ACSF3: variants seen among roughly 807,000 people sequenced by gnomAD.
ACSF3 encodes the protein malonate--CoA ligase ACSF3, mitochondrial.
In ACSF3, 78 loss-of-function variants were observed where a neutral mutation model predicts 53.2. The observed-to-expected ratio is 1.47, with a 90% CI of 1.22 to 1.77. The LOEUF is 1.77. Ranked by LOEUF, ACSF3 falls within the 40% of genes most tolerant of loss-of-function variation. The pLI is 0.00. For missense variants in ACSF3, 937 were observed against 771.1 expected (o/e 1.22, Z -2.55); for synonymous variants, 414 against 333.1 (o/e 1.24, Z -2.65).
At chr16:89,096,839 G>A (rs939936212) in intron 1 of ACSF3, among the ~76,000 whole-genome samples, 5 of 152,158 alleles carry the variant, frequency 3.3e-5, no homozygotes, top group African/African-American at 4.8e-5. Context: ...TCCTCATAGC[G>A]CGTGGGCTCT....
At position 89,155,727 on chromosome 16, in the gene ACSF3, A is replaced by G. The variant is rs1040997377; in HGVS notation, c.*1520A>G. On this transcript the variant is annotated 3_prime_UTR_variant, in exon 11 of 11. Transcript: ENST00000614302. ...AATGCCTTCTGTTGGGAAAAGGTCA[A>G]ATTTAACATAGCAAAATTTTTACTT... The G allele has an allele frequency of 2.2e-5, 10 of 454,004 alleles. No individual in the cohort carries two copies. Among genetic ancestry groups the G allele is most frequent in the East Asian group, 1.4e-4 (2 of 14,408 alleles). 28.1% of individuals were successfully genotyped at this position (454,004 alleles called of 1,614,324 possible). A position where few individuals can be genotyped will look rare whatever the true frequency, so the allele number is the denominator to read the frequency against.
At chr16:89,130,058 C>A (rs921605142) in intron 7 of ACSF3, among the ~76,000 whole-genome samples, 7 of 152,264 alleles carry the variant, frequency 4.6e-5, no homozygotes, top group African/African-American at 1.7e-4. Context: ...TTTGCCACTT[C>A]TGTTGCTTTT....
intron 7 of ACSF3, among the ~76,000 whole-genome samples, chr16:89,132,297 G>A (rs371813628): frequency 5.6e-4 from 86 of 152,328 alleles, no homozygotes; most frequent in African/African-American, 1.9e-3. Context: ...AGTGAGGGTC[G>A]TGGAGCTGGC....
intron 10 of ACSF3, among the ~76,000 whole-genome samples, chr16:89,147,199 GTGAGTGAGAGA>G (rs1388701141): frequency 1.4e-5 from 1 of 70,698 alleles, no homozygotes; most frequent in Non-Finnish European, 3.3e-5. Flanking sequence ...GGTCCACAGA[GTGAGTGAGAGA>G]GGAGGGAGGG....
At chr16:89,112,990 A>T (rs1904322708) in intron 5 of ACSF3, among the ~76,000 whole-genome samples, 1 of 151,900 alleles carries the variant, frequency 6.6e-6, no homozygotes, top group African/African-American at 2.4e-5. Flanking sequence ...CTTTTGGGCC[A>T]CCCAGGGGCG....
intron 8 of ACSF3, chr16:89,136,476 T>C: frequency 8.3e-7 from 1 of 1,206,854 alleles, no homozygotes; most frequent in African/African-American, 1.6e-5. Context: ...AGCTCACAGC[T>C]GCCGCTCCTG....
chr16:89,100,835 G>T lies in ACSF3; in HGVS notation c.154G>T (p.Ala52Ser), dbSNP rs1474641537. ...RSAPVFTRAL[A>S]FGDRIALVDQ... ...CGCCCCGGTGTTCACCCGTGCCCTG[G>T]CCTTTGGGGACAGAATCGCCCTGGT... is the stretch of plus-strand genomic sequence containing the variant. The change falls in exon 3 of 11, where the codon GCC (alanine) becomes TCC (serine). Residue 52 changes from alanine to serine, a missense_variant. By Grantham distance (99) the Ala-to-Ser change is moderately conservative. Transcript: ENST00000614302. 6.2e-7 allele frequency: 1 copy of T among 1,613,420 alleles called. No individual in the cohort carries two copies.
chr16:89,154,315 C>T lies in ACSF3; in HGVS notation c.*108C>T. On this transcript the variant is annotated 3_prime_UTR_variant, in exon 11 of 11. Transcript: ENST00000614302. Reference sequence around the variant, plus strand: ...CTGGCCTCCCTTAAACCTGAACCCCCCAAATCAGGTCACGTAGAATCAAGA... The same window carrying T: ...CTGGCCTCCCTTAAACCTGAACCCCTCAAATCAGGTCACGTAGAATCAAGA... The T allele has an allele frequency of 9.9e-7, 1 of 1,013,272 alleles. No individual in the cohort carries two copies. The highest frequency in any genetic ancestry group is 1.5e-6 in the Non-Finnish European group (1 of 659,656). 62.8% of individuals were successfully genotyped at this position (1,013,272 alleles called of 1,614,324 possible).
rs767348758 is a variant in ACSF3 at position 89,100,815 on chromosome 16, C to T, written c.134C>T (p.Pro45Leu). 16 of 1,613,042 alleles carry T rather than the reference C, an allele frequency of 9.9e-6. No homozygotes were observed. Among genetic ancestry groups the T allele is most frequent in the East Asian group, 8.9e-5 (4 of 44,880 alleles). Residue 45 changes from proline (P) to leucine (L), a missense_variant, in exon 3 of 11, where the codon CCG becomes CTG. Pro to Leu is a moderately conservative substitution (Grantham distance 98, BLOSUM62 -3). Transcript: ENST00000614302. ...GTGGCCCGCTCGGACAGGAGCGCCC[C>T]GGTGTTCACCCGTGCCCTGGCCTTT... The part of the protein sequence containing the change: ...APVARSDRSA[P>L]VFTRALAFGD...
Position 89,133,301 on chromosome 16 carries a change from G to C in ACSF3, c.1366+39G>C. 2 of 1,612,888 alleles carry C rather than the reference G, an allele frequency of 1.2e-6. 1 individual carries two copies. The highest frequency in any genetic ancestry group is 2.2e-5 in the South Asian group (2 of 90,972). ...CCATGGGAGTGGAGGAGACCCCGAG[G>C]GGACAGGCAGGAACTCATTGCTGCC... is the stretch of plus-strand genomic sequence containing the variant. On this transcript the variant is annotated intron_variant, in intron 8 of 10. Coordinates refer to ENST00000614302, the MANE Select transcript of ACSF3 (RefSeq NM_001243279.3).
At chr16:89,104,169 G>T (rs911167584) in intron 4 of ACSF3, among the ~76,000 whole-genome samples, 66 of 152,214 alleles carry the variant, frequency 4.3e-4, no homozygotes, top group African/African-American at 1.5e-3. Context: ...AGAGCCCTCC[G>T]GTGAGGCCAT....
At chr16:89,120,997 C>T (rs1258508144) in intron 7 of ACSF3, 84 bp downstream of exon 7, 1 of 1,266,842 alleles carries the variant, frequency 7.9e-7, no homozygotes, top group Non-Finnish European at 1.1e-6. Flanking sequence ...CATCTTTCCC[C>T]TGGAGGCAGA....
At chr16:89,136,981 C>T (rs921169779) in intron 8 of ACSF3, among the ~76,000 whole-genome samples, 1 of 152,228 alleles carries the variant, frequency 6.6e-6, no homozygotes. Flanking sequence ...GATGCTCTGA[C>T]TCCACGTGCC....
intron 8 of ACSF3, among the ~76,000 whole-genome samples, chr16:89,135,992 C>G (rs1220550719): frequency 6.6e-6 from 1 of 152,278 alleles, no homozygotes; most frequent in Non-Finnish European, 1.5e-5. Context: ...CCAGGCTGGT[C>G]TCGAGCTCCT....
At position 89,145,334 on chromosome 16, in the gene ACSF3, G is replaced by A; in HGVS notation, c.1434G>A (p.Lys478=). Residue 478 remains lysine, a synonymous_variant, in exon 9 of 11, where the codon AAG becomes AAA. Transcript: ENST00000614302. ...IRGRTSVDII[K]TGGYKVSALE... Reference sequence around the variant, plus strand: ...GCCGGACCTCAGTGGACATCATCAAGACTGGAGGCTACAAGGTCAGCGCCC... The same window carrying A: ...GCCGGACCTCAGTGGACATCATCAAAACTGGAGGCTACAAGGTCAGCGCCC... 1 of 1,614,224 alleles carries A rather than the reference G, an allele frequency of 6.2e-7. No individual in the cohort carries two copies. The highest frequency in any genetic ancestry group is 8.5e-7 in the Non-Finnish European group (1 of 1,180,032).
chr16:89,130,095 C>CT (rs1281759450), intron 7 of ACSF3, among the ~76,000 whole-genome samples: 1 of 152,222 alleles, frequency 6.6e-6, no homozygotes, highest in Non-Finnish European at 1.5e-5. Flanking sequence ...ACCAAGTCTC[C>CT]TTCTGATACC....
intron 8 of ACSF3, among the ~76,000 whole-genome samples, chr16:89,141,950 G>T (rs138535959): frequency 2.6e-5 from 4 of 152,216 alleles, no homozygotes; most frequent in Non-Finnish European, 4.4e-5. Flanking sequence ...TCTCAGTCCT[G>T]CACTGATTGG....
intron 6 of ACSF3, among the ~76,000 whole-genome samples, chr16:89,115,433 C>G (rs2151458655): frequency 6.6e-6 from 1 of 152,336 alleles, no homozygotes; most frequent in East Asian, 1.9e-4. Flanking sequence ...GCCTCTGAGC[C>G]TGTCTGCTTC....
chr16:89,118,999 C>T (rs545859568), intron 6 of ACSF3, among the ~76,000 whole-genome samples: 2 of 152,262 alleles, frequency 1.3e-5, no homozygotes, highest in South Asian at 2.1e-4. Flanking sequence ...GTGTGGGGAC[C>T]CCTCCCTCGA....
Sources: gnomAD v4.1 joint callset for allele counts (sites outside exome capture counted in the v4.1 genomes callset) on GRCh38, gnomAD v4.1.1 for gene constraint, MANE v1.5 for transcripts, NCBI Gene and HGNC (gene_info 2026-07-23, HGNC 2026-07-21) for gene names.